The following LRP1B variants were observed in gnomAD, a reference collection of about 807,000 sequenced individuals.
LRP1B encodes the protein LDL receptor related protein 1B.
LRP1B carries 217 observed loss-of-function variants against 556.6 expected under a neutral mutation model. The observed-to-expected ratio is 0.39, with a 90% CI of 0.35 to 0.44. The LOEUF is 0.44. Among genes scored for constraint, LRP1B ranks in the 20% least tolerant of loss-of-function variants. The probability of loss-of-function intolerance (pLI) is 1.00; values close to 1 mark genes in which losing one functional copy is unlikely to be tolerated. For missense variants in LRP1B, 5,053 were observed against 5,620.8 expected, an observed-to-expected ratio of 0.90 and a Z score of 3.23; for synonymous variants, 2,047 against 1,865.8, an observed-to-expected ratio of 1.10 and a Z score of -2.50.
intron 2 of LRP1B, among the ~76,000 whole-genome samples, chr2:141,524,757 GA>G (rs1352824418): frequency 6.7e-6 from 1 of 149,724 alleles, no homozygotes; most frequent in Non-Finnish European, 1.5e-5. Context: ...CAACTCTTAT[GA>G]AAAAGAAAGA....
chr2:141,426,016 A>C (rs1240958368), intron 3 of LRP1B, among the ~76,000 whole-genome samples: 1 of 151,496 alleles, frequency 6.6e-6, no homozygotes, highest in Non-Finnish European at 1.5e-5. Flanking sequence ...CCTGAATGGT[A>C]ATGCCTAGGT....
chr2:141,647,549 T>C (rs577280162), intron 2 of LRP1B, among the ~76,000 whole-genome samples: 2 of 152,314 alleles, frequency 1.3e-5, no homozygotes, highest in Admixed American at 6.5e-5. Flanking sequence ...TCATCATTTA[T>C]GCTAATGCAG....
At chr2:140,503,171 A>G (rs1689269950) in intron 53 of LRP1B, 68 bp from the exon 54 acceptor site, 2 of 1,370,024 alleles carry the variant, frequency 1.5e-6, no homozygotes, top group Non-Finnish European at 2.1e-6. Flanking sequence ...CATCTCCTCA[A>G]TGTACACTAC....
intron 2 of LRP1B, among the ~76,000 whole-genome samples, chr2:141,718,832 T>C (rs1030825163): frequency 1.3e-5 from 2 of 152,170 alleles, no homozygotes; most frequent in African/African-American, 2.4e-5. Flanking sequence ...AGGAATTCAA[T>C]AATTTGCCTA....
At chr2:141,073,016 A>G (rs1467250907) in intron 7 of LRP1B, among the ~76,000 whole-genome samples, 1 of 151,996 alleles carries the variant, frequency 6.6e-6, no homozygotes, top group Non-Finnish European at 1.5e-5. Flanking sequence ...CTCCTTTTCT[A>G]CTAAATGTCA....
At chr2:141,661,645 G>A (rs2105396588) in intron 2 of LRP1B, among the ~76,000 whole-genome samples, 1 of 152,196 alleles carries the variant, frequency 6.6e-6, no homozygotes, top group Middle Eastern at 3.4e-3. Flanking sequence ...AGAATGAAAG[G>A]GAAAGAACAA....
intron 43 of LRP1B, among the ~76,000 whole-genome samples, chr2:140,595,597 T>A (rs1175752786): frequency 6.6e-6 from 1 of 152,182 alleles, no homozygotes; most frequent in African/African-American, 2.4e-5. Flanking sequence ...CAATGACTTC[T>A]GCTAATTTCC....
chr2:141,565,404 T>G (rs895025863), intron 2 of LRP1B, among the ~76,000 whole-genome samples: 1 of 152,174 alleles, frequency 6.6e-6, no homozygotes, highest in Non-Finnish European at 1.5e-5. Context: ...CTTGACATTA[T>G]AAGTGGAAAG....
rs575350199 is a variant in LRP1B at position 141,549,036 on chromosome 2, T to C, written c.206-68503A>G. Among the ~76,000 whole-genome samples, 244 of 152,270 alleles carry C rather than the reference T, an allele frequency of 1.6e-3. 2 individuals carry two copies. Among genetic ancestry groups the C allele is most frequent in the Admixed American group, 4.6e-3 (71 of 15,282 alleles). ...GATGTCATGATGAGTTTTTGAACCA[T>C]GTACTTGAGAAAGATATAATGCCAC... On this transcript the variant is annotated intron_variant, in intron 2 of 90. Coordinates refer to ENST00000389484, the MANE Select transcript of LRP1B (RefSeq NM_018557.3).
intron 1 of LRP1B, among the ~76,000 whole-genome samples, chr2:142,018,614 T>C (rs1306113310): frequency 3.3e-5 from 5 of 152,174 alleles, no homozygotes; most frequent in Admixed American, 1.3e-4. Flanking sequence ...TTAATTTTCA[T>C]TGAAAACAAT....
At chr2:140,440,023 T>TATGTAAAG (rs1368403158) in intron 66 of LRP1B, among the ~76,000 whole-genome samples, 16 of 152,194 alleles carry the variant, frequency 1.1e-4, no homozygotes, top group African/African-American at 3.9e-4. Flanking sequence ...ATAATTTAAA[T>TATGTAAAG]AAAAACAGAA....
At chr2:140,378,656 A>G (rs1683341474) in intron 67 of LRP1B, among the ~76,000 whole-genome samples, 1 of 152,146 alleles carries the variant, frequency 6.6e-6, no homozygotes, top group Non-Finnish European at 1.5e-5. Flanking sequence ...AGTAAGTATG[A>G]CATTTTGTGA....
intron 6 of LRP1B, among the ~76,000 whole-genome samples, chr2:141,192,730 A>G (rs1288354162): frequency 6.6e-6 from 1 of 151,912 alleles, no homozygotes; most frequent in African/African-American, 2.4e-5. Context: ...ATATCATCTG[A>G]AAGTACTGAC....
chr2:141,137,190 A>G (rs187265475), intron 7 of LRP1B, among the ~76,000 whole-genome samples: 1 of 152,128 alleles, frequency 6.6e-6, no homozygotes, highest in African/African-American at 2.4e-5. Context: ...TCAGTTTTAA[A>G]GACTCAAGCA....
At chr2:141,852,934 A>C (rs1236095326) in intron 1 of LRP1B, among the ~76,000 whole-genome samples, 1 of 151,602 alleles carries the variant, frequency 6.6e-6, no homozygotes, top group Non-Finnish European at 1.5e-5. Flanking sequence ...GCCAGAATAA[A>C]TTGTGAATAC....
At chr2:142,001,109 C>T (rs1213604151) in intron 1 of LRP1B, among the ~76,000 whole-genome samples, 2 of 152,126 alleles carry the variant, frequency 1.3e-5, no homozygotes, top group African/African-American at 2.4e-5. Flanking sequence ...GTGCTTTTCG[C>T]CTTCCACCAT....
At chr2:140,748,136 T>TATAAAA (rs1360430336) in intron 35 of LRP1B, among the ~76,000 whole-genome samples, 4 of 35,688 alleles carry the variant, frequency 1.1e-4, no homozygotes, top group Admixed American at 4.5e-4. Flanking sequence ...TATATATATA[T>TATAAAA]AATTCATATA....
chr2:141,151,104 C>G (rs1295042075), intron 7 of LRP1B, among the ~76,000 whole-genome samples: 1 of 152,114 alleles, frequency 6.6e-6, no homozygotes, highest in African/African-American at 2.4e-5. Context: ...ATTTATGTTG[C>G]AGTAACAAAG....
At chr2:141,552,661 C>T (rs1021737330) in intron 2 of LRP1B, among the ~76,000 whole-genome samples, 5 of 151,908 alleles carry the variant, frequency 3.3e-5, no homozygotes, top group Non-Finnish European at 7.4e-5. Context: ...TCTAAATTCC[C>T]TTTGTATTAA....
Sources: allele counts gnomAD v4.1 joint callset (sites outside exome capture counted in the v4.1 genomes callset), GRCh38; gene constraint gnomAD v4.1.1; transcripts MANE v1.5; gene names NCBI Gene and HGNC (gene_info 2026-07-23, HGNC 2026-07-21).